Variants in UNC13C observed in about 807,000 individuals in gnomAD.
UNC13C encodes the protein protein unc-13 homolog C.
A neutral mutation model predicts 245.4 loss-of-function variants in UNC13C; 174 were observed. The ratio of observed to expected loss-of-function variants is 0.71; its 90% CI spans 0.63 to 0.80. The LOEUF (loss-of-function observed/expected upper bound fraction) is 0.80, where lower values mean the gene tolerates loss of function less well. Among genes scored for constraint, UNC13C ranks in the 30% least tolerant of loss-of-function variants. The probability of loss-of-function intolerance (pLI) is 0.00; values close to 1 mark genes in which losing one functional copy is unlikely to be tolerated. For synonymous variants in UNC13C, 992 were observed against 895.1 expected, an observed-to-expected ratio of 1.11 and a Z score of -1.93; for missense variants, 2,829 against 2,602.9, an observed-to-expected ratio of 1.09 and a Z score of -1.89.
chr15:54,535,694 A>T (rs556459324), intron 26 of UNC13C, among the ~76,000 whole-genome samples: 241 of 152,282 alleles, frequency 1.6e-3, no homozygotes, highest in African/African-American at 5.7e-3. Context: ...TACTAAGATG[A>T]TCTCTCAAAA....
chr15:54,271,538 A>C (rs892056235), intron 10 of UNC13C, among the ~76,000 whole-genome samples: 2 of 152,136 alleles, frequency 1.3e-5, no homozygotes, highest in Non-Finnish European at 2.9e-5. Context: ...GAAATTTGAG[A>C]GTTAGGAGAT....
Position 54,121,106 on chromosome 15 carries a change from G to C in UNC13C, c.2984-21912G>C, listed in dbSNP as rs141960102. ...CCAATTTTGAAAGAATTCCTGCTGTGGGTGAAATGCTATCAAACAGTGTCA... is the reference window on the plus strand; with the variant it reads ...CCAATTTTGAAAGAATTCCTGCTGTCGGTGAAATGCTATCAAACAGTGTCA... On this transcript the variant is annotated intron_variant, in intron 2 of 32. Coordinates refer to ENST00000260323, the MANE Select transcript of UNC13C (RefSeq NM_001080534.3). Among the ~76,000 whole-genome samples the C allele has an allele frequency of 7.7e-4, 117 of 152,256 alleles. No individual in the cohort carries two copies. In the East Asian group the frequency reaches 0.021, roughly 27 times the overall value.
intron 2 of UNC13C, among the ~76,000 whole-genome samples, chr15:54,051,923 C>G (rs1897286919): frequency 7.5e-6 from 1 of 134,226 alleles, no homozygotes. Flanking sequence ...CCCTCCACCC[C>G]ACCACAGTCC....
intron 4 of UNC13C, among the ~76,000 whole-genome samples, chr15:54,196,174 C>A (rs185563328): frequency 6.6e-6 from 1 of 152,024 alleles, no homozygotes; most frequent in African/African-American, 2.4e-5. Context: ...AATATAATCT[C>A]CTTAAGTATA....
chr15:54,540,831 A>C (rs57263358), intron 26 of UNC13C, among the ~76,000 whole-genome samples: 5,667 of 152,172 alleles, frequency 0.037, 318 homozygotes, highest in African/African-American at 0.13. Flanking sequence ...TCAGCATGCC[A>C]AGTATGTGAG....
chr15:53,934,112 G>A, the UNC13C span, among the ~76,000 whole-genome samples: 3 of 152,078 alleles, frequency 2.0e-5, no homozygotes, highest in Non-Finnish European at 2.9e-5. Flanking sequence ...AGTGAGGGAG[G>A]TGCCACATAC....
the UNC13C span, among the ~76,000 whole-genome samples, chr15:53,937,778 C>G: frequency 1.8e-5 from 2 of 112,286 alleles, no homozygotes; most frequent in Admixed American, 8.4e-5. Context: ...TATATCTGGC[C>G]AAAGTTAGCT....
the UNC13C span, among the ~76,000 whole-genome samples, chr15:53,879,676 C>T: frequency 2.0e-5 from 3 of 152,074 alleles, no homozygotes; most frequent in Non-Finnish European, 2.9e-5. Flanking sequence ...GCAACCTCCA[C>T]CTCCCAGGTT....
chr15:53,878,918 G>T, the UNC13C span, among the ~76,000 whole-genome samples: 1 of 152,068 alleles, frequency 6.6e-6, no homozygotes, highest in African/African-American at 2.4e-5. Context: ...TAGAAAATTT[G>T]CAATATTATA....
chr15:54,629,196 A>G (rs1901385137), downstream of UNC13C: 1 of 152,144 alleles, frequency 6.6e-6, no homozygotes. Context: ...TAGAAAACGA[A>G]ATACTACATG....
At chr15:54,400,919 T>C (rs2040169189) in intron 18 of UNC13C, among the ~76,000 whole-genome samples, 1 of 152,156 alleles carries the variant, frequency 6.6e-6, no homozygotes, top group East Asian at 1.9e-4. Flanking sequence ...CAGCATGGAA[T>C]ACTATGCAGC....
chr15:54,624,806 A>G (rs2681965), intron 32 of UNC13C, among the ~76,000 whole-genome samples: 116,894 of 151,914 alleles, frequency 0.77, 45,862 homozygotes, highest in African/African-American at 0.94. Context: ...TAATTCCCGA[A>G]AACACTCAGT....
intron 2 of UNC13C, among the ~76,000 whole-genome samples, chr15:54,088,796 G>A (rs1449898923): frequency 6.6e-6 from 1 of 152,188 alleles, no homozygotes; most frequent in African/African-American, 2.4e-5. Flanking sequence ...AATAAATGGG[G>A]ATTTAAACAT....
At chr15:54,326,283 G>A (rs751548984) in intron 14 of UNC13C, among the ~76,000 whole-genome samples, 3 of 151,992 alleles carry the variant, frequency 2.0e-5, no homozygotes, top group Non-Finnish European at 2.9e-5. Flanking sequence ...AAGGGGGTTG[G>A]TAAAAGTTTG....
intron 2 of UNC13C, among the ~76,000 whole-genome samples, chr15:54,087,076 C>A (rs1899286171): frequency 6.6e-6 from 1 of 152,114 alleles, no homozygotes; most frequent in Non-Finnish European, 1.5e-5. Context: ...TTACTGGAAG[C>A]ACTATTTTCC....
the UNC13C span, among the ~76,000 whole-genome samples, chr15:53,878,137 A>G: frequency 0.024 from 3,633 of 152,146 alleles, 93 homozygotes; most frequent in East Asian, 0.13. Flanking sequence ...GGTTGACACA[A>G]TTTCAAACTT....
intron 13 of UNC13C, among the ~76,000 whole-genome samples, chr15:54,301,829 G>A (rs1017115405): frequency 2.0e-5 from 3 of 152,128 alleles, no homozygotes; most frequent in Admixed American, 1.3e-4. Flanking sequence ...GGGTCAAATG[G>A]TATTTCTAGT....
intron 26 of UNC13C, among the ~76,000 whole-genome samples, chr15:54,545,345 C>G (rs1896437461): frequency 6.6e-6 from 1 of 152,156 alleles, no homozygotes; most frequent in African/African-American, 2.4e-5. Context: ...CATAACATCC[C>G]TAGAAGAAAA....
chr15:54,232,701 A>T (rs2035585634), intron 4 of UNC13C, among the ~76,000 whole-genome samples: 1 of 152,172 alleles, frequency 6.6e-6, no homozygotes, highest in Non-Finnish European at 1.5e-5. Context: ...AAGTCAAAAC[A>T]TTTCAAAATA....
Sources: gnomAD v4.1 joint callset for allele counts (sites outside exome capture counted in the v4.1 genomes callset) on GRCh38, gnomAD v4.1.1 for gene constraint, MANE v1.5 for transcripts, NCBI Gene and HGNC (gene_info 2026-07-23, HGNC 2026-07-21) for gene names.